Variants in TTC23L observed in about 807,000 individuals in gnomAD.
The protein encoded by TTC23L is tetratricopeptide repeat domain 23 like, also known as tetratricopeptide repeat protein 23-like.
A neutral mutation model predicts 48.1 loss-of-function variants in TTC23L; 42 were observed. That is an observed-to-expected ratio of 0.87 (90% CI 0.68 to 1.13). The LOEUF is 1.13. Ranked by LOEUF, TTC23L falls within the 50% of genes most tolerant of loss-of-function variation. TTC23L has a pLI of 0.00. For missense variants in TTC23L, 391 were observed against 421.0 expected (o/e 0.93, Z 0.62); for synonymous variants, 159 against 157.2 (o/e 1.01, Z -0.09).
intron 6 of TTC23L, among the ~76,000 whole-genome samples, chr5:34,865,525 A>T (rs1489908196): frequency 6.6e-6 from 1 of 152,102 alleles, no homozygotes; most frequent in African/African-American, 2.4e-5. Context: ...TTTTCAGAAA[A>T]ACTCTGGTGC....
At chr5:34,874,523 A>G (rs1366847795) in intron 8 of TTC23L, among the ~76,000 whole-genome samples, 1 of 152,178 alleles carries the variant, frequency 6.6e-6, no homozygotes, top group Admixed American at 6.5e-5. Context: ...TGTAACTGAT[A>G]TGCTAAAAAG....
At chr5:34,903,439 C>T (rs41268193), downstream of TTC23L, among the ~76,000 whole-genome samples, 8,227 of 152,156 alleles carry the variant, frequency 0.054, 311 homozygotes, top group South Asian at 0.11. Context: ...CCCACCAGAG[C>T]GGTACATTTG....
intron 8 of TTC23L, among the ~76,000 whole-genome samples, chr5:34,871,403 A>T (rs1162035519): frequency 6.6e-6 from 1 of 152,190 alleles, no homozygotes; most frequent in African/African-American, 2.4e-5. Flanking sequence ...TGATGAAAGA[A>T]ATTAAATATG....
the TTC23L span, among the ~76,000 whole-genome samples, chr5:34,910,985 A>C: frequency 6.6e-6 from 1 of 152,102 alleles, no homozygotes; most frequent in African/African-American, 2.4e-5. Context: ...ATCCTCCCTA[A>C]ATCCTTATAC....
At chr5:34,856,037 G>T (rs1010561859) in intron 4 of TTC23L, among the ~76,000 whole-genome samples, 1 of 152,140 alleles carries the variant, frequency 6.6e-6, no homozygotes, top group Non-Finnish European at 1.5e-5. Context: ...GGCAGGACAT[G>T]GTGTTCGATT....
intron 9 of TTC23L, 44 bp from the exon 10 acceptor site, chr5:34,896,725 GA>G: frequency 1.3e-6 from 1 of 763,848 alleles, no homozygotes; most frequent in Non-Finnish European, 2.4e-6. Context: ...ATGAGAATTG[GA>G]AAACACTTCA....
At chr5:34,879,952 C>T (rs1238828806) in intron 8 of TTC23L, among the ~76,000 whole-genome samples, 1 of 152,146 alleles carries the variant, frequency 6.6e-6, no homozygotes, top group Non-Finnish European at 1.5e-5. Flanking sequence ...GCCGAGGTTG[C>T]ACCGCTGCAC....
chr5:34,911,506 A>G, the TTC23L span: 1 of 1,573,266 alleles, frequency 6.4e-7, no homozygotes, highest in East Asian at 2.2e-5. Flanking sequence ...CTAAGTGGGA[A>G]GATGGAGTAC....
chr5:34,918,344 A>C, the TTC23L span: 1 of 1,239,534 alleles, frequency 8.1e-7, no homozygotes, highest in Non-Finnish European at 1.2e-6. Context: ...AAAATCTTTT[A>C]ACATTTTCTT....
At chr5:34,880,942 A>G (rs1444246729) in intron 9 of TTC23L, among the ~76,000 whole-genome samples, 1 of 152,068 alleles carries the variant, frequency 6.6e-6, no homozygotes, top group African/African-American at 2.4e-5. Flanking sequence ...CCCCACCAGC[A>G]TTGCCTTTCT....
At chr5:34,921,888 CA>C in the TTC23L span, 1 of 117,276 alleles carries the variant, frequency 8.5e-6, no homozygotes, top group Non-Finnish European at 1.6e-5. Flanking sequence ...GCCTGGGCAA[CA>C]AGAGCGAAAC....
At chr5:34,870,160 TTTATA>T (rs1205518288) in intron 8 of TTC23L, among the ~76,000 whole-genome samples, 36 of 152,074 alleles carry the variant, frequency 2.4e-4, no homozygotes, top group African/African-American at 8.7e-4. Context: ...AATATAGATT[TTTATA>T]TTATATCATT....
rs1461305559 is a variant in TTC23L at position 34,863,755 on chromosome 5, G to A, written c.537-682G>A. ...TCAGAACTGGGGATTCTGACAGCCT[G>A]TTGTACCATCTCCACTGGAAAGATG... is the stretch of plus-strand genomic sequence containing the variant. On this transcript the variant is annotated intron_variant, in intron 5 of 10. Coordinates refer to ENST00000505624, the Ensembl canonical transcript of TTC23L. The surrounding 1 kb of genome is among the most constrained non-coding windows in gnomAD (Gnocchi z 4.1). Among the ~76,000 whole-genome samples the A allele has an allele frequency of 1.3e-5, 2 of 152,182 alleles. No individual in the cohort carries two copies. The highest frequency in any genetic ancestry group is 2.9e-5 in the Non-Finnish European group (2 of 68,034).
the TTC23L span, among the ~76,000 whole-genome samples, chr5:34,912,260 A>G: frequency 4.5e-3 from 691 of 152,332 alleles, 7 homozygotes; most frequent in African/African-American, 0.016. Context: ...GATCCTTCCA[A>G]CTTTTCCAAC....
chr5:34,864,637 A>T, intron 6 of TTC23L, 75 bp downstream of exon 6: 1 of 1,461,956 alleles, frequency 6.8e-7, no homozygotes, highest in Non-Finnish European at 9.1e-7. Context: ...GGAGAAAAAT[A>T]TTTAGAGCAA....
At chr5:34,864,558 G>A (rs1358563841) in exon 6 of TTC23L, 3 of 1,612,398 alleles carry the variant, frequency 1.9e-6, no homozygotes, top group Non-Finnish European at 2.5e-6. Flanking sequence ...ACTTGCTTTG[G>A]GCAGGTAAGA....
chr5:34,868,808 G>A, intron 7 of TTC23L, 97 bp from the exon 8 acceptor site: 1 of 945,258 alleles, frequency 1.1e-6, no homozygotes, highest in Non-Finnish European at 1.7e-6. Context: ...TCATAGCTAG[G>A]AAGTGGCAGA....
intron 9 of TTC23L, among the ~76,000 whole-genome samples, chr5:34,885,309 A>C (rs1410165204): frequency 6.6e-6 from 1 of 152,234 alleles, no homozygotes; most frequent in Non-Finnish European, 1.5e-5. Flanking sequence ...TGTAAAGAAC[A>C]TTACTGGAAC....
chr5:34,924,049 A>G, the TTC23L span, among the ~76,000 whole-genome samples: 2 of 152,228 alleles, frequency 1.3e-5, no homozygotes, highest in Non-Finnish European at 2.9e-5. Flanking sequence ...CTCTCAAAGC[A>G]CCTCAAAGGT....
Sources: allele counts gnomAD v4.1 joint callset (sites outside exome capture counted in the v4.1 genomes callset), GRCh38; gene constraint gnomAD v4.1.1; non-coding constraint Gnocchi (gnomAD v3.1); transcripts MANE v1.5; gene names NCBI Gene and HGNC (gene_info 2026-07-23, HGNC 2026-07-21).